The following ATP7B variants were observed in gnomAD, a reference collection of about 807,000 sequenced individuals.
ATP7B encodes copper-transporting ATPase 2.
In ATP7B, 113 loss-of-function variants were observed where a neutral mutation model predicts 118.9. The observed-to-expected ratio is 0.95, with a 90% CI of 0.82 to 1.11. The LOEUF (loss-of-function observed/expected upper bound fraction) is 1.11. ATP7B is among the 50% of genes most tolerant of loss of function. The probability of loss-of-function intolerance (pLI) is 0.00; values close to 1 mark genes in which losing one functional copy is unlikely to be tolerated. For missense variants in ATP7B, 1,867 were observed against 1,871.4 expected (o/e 1.00, Z 0.04); for synonymous variants, 777 against 727.4 (o/e 1.07, Z -1.10).
At position 51,934,246 on chromosome 13, in the gene ATP7B, C is replaced by T. The variant is rs886050304; in HGVS notation, c.*510G>A. 4 of 234,690 alleles carry T rather than the reference C, an allele frequency of 1.7e-5. No individual in the cohort carries two copies. The highest frequency in any genetic ancestry group is 6.7e-5 in the African/African-American group (3 of 45,084). The allele number at this position is 234,690 out of a possible 1,614,324, so 14.5% of individuals were successfully genotyped here. On this transcript the variant is annotated 3_prime_UTR_variant, in exon 21 of 21. Transcript: ENST00000242839. ...GGAGAGAAAAGGAACAGACTATGTA[C>T]GAAGAAAGGAACAGACTATGCAGGA...
upstream of ATP7B, chr13:52,011,942 C>G (rs932446037): frequency 1.0e-5 from 3 of 296,288 alleles, no homozygotes; most frequent in South Asian, 3.1e-5. Flanking sequence ...TGCGCTGCCC[C>G]CTCCTCGGAC....
intron 1 of ATP7B, among the ~76,000 whole-genome samples, chr13:51,981,167 C>T (rs555463908): frequency 1.1e-3 from 166 of 152,260 alleles, no homozygotes; most frequent in Non-Finnish European, 2.0e-3. Context: ...CTGAGAAATC[C>T]GAGAGGCTCT....
intron 1 of ATP7B, among the ~76,000 whole-genome samples, chr13:52,001,848 T>A (rs1555302934): frequency 6.6e-6 from 1 of 152,106 alleles, no homozygotes; most frequent in Non-Finnish European, 1.5e-5. Context: ...TGGAGTGCAG[T>A]GGCATGATCT....
intron 2 of ATP7B, 141 bp from the exon 3 acceptor site, chr13:51,970,890 C>T (rs764078388): frequency 1.3e-5 from 8 of 608,700 alleles, no homozygotes; most frequent in Non-Finnish European, 1.7e-5. Flanking sequence ...CCAGTAACTA[C>T]CTTGTCCCTC....
At chr13:51,969,918 T>A (rs938560795) in intron 3 of ATP7B, among the ~76,000 whole-genome samples, 9 of 152,124 alleles carry the variant, frequency 5.9e-5, no homozygotes, top group African/African-American at 2.2e-4. Flanking sequence ...AAAGAGAAAG[T>A]GATTCTGGTG....
At chr13:52,002,287 C>T (rs1953524878) in intron 1 of ATP7B, among the ~76,000 whole-genome samples, 2 of 151,330 alleles carry the variant, frequency 1.3e-5, no homozygotes, top group Non-Finnish European at 2.9e-5. Flanking sequence ...CAGGGCCAGG[C>T]GTGGGGGCTA....
intron 1 of ATP7B, among the ~76,000 whole-genome samples, chr13:51,977,998 C>A (rs187210474): frequency 6.6e-6 from 1 of 152,124 alleles, no homozygotes; most frequent in South Asian, 2.1e-4. Flanking sequence ...TCAGGCAGAT[C>A]AAAGATTAAC....
chr13:52,003,834 A>G (rs1052796084), intron 1 of ATP7B, among the ~76,000 whole-genome samples: 1 of 152,188 alleles, frequency 6.6e-6, no homozygotes, highest in Non-Finnish European at 1.5e-5. Flanking sequence ...AGCTTCCGAG[A>G]GAAGGTGGAT....
At chr13:51,997,168 G>A (rs1485677948) in intron 1 of ATP7B, among the ~76,000 whole-genome samples, 1 of 152,140 alleles carries the variant, frequency 6.6e-6, no homozygotes, top group South Asian at 2.1e-4. Flanking sequence ...CACATGCCCT[G>A]CTGACCACCT....
In ATP7B at chr13:51,946,021, T is replaced by C. The variant is rs185012479; in HGVS notation, c.3060+263A>G. On this transcript the variant is annotated intron_variant, in intron 13 of 20. Coordinates refer to ENST00000242839, the MANE Select transcript of ATP7B (RefSeq NM_000053.4). ...CTAATCTCCTCCTGCTGCAGTTTCC[T>C]CATCTGTAAAATGGGAATGATAAGC... 2.0e-5 allele frequency among the ~76,000 whole-genome samples: 3 copies of C among 152,322 alleles called. No individual in the cohort carries two copies. The East Asian group carries it at 5.8e-4, about 29-fold the overall frequency.
At chr13:52,009,320 C>G (rs1188379036) in intron 1 of ATP7B, among the ~76,000 whole-genome samples, 1 of 152,178 alleles carries the variant, frequency 6.6e-6, no homozygotes, top group Non-Finnish European at 1.5e-5. Flanking sequence ...GAGGGCCCTT[C>G]CTTGTCTGGA....
At position 51,970,848 on chromosome 13, in the gene ATP7B, G is replaced by A. The variant is rs760296869; in HGVS notation, c.1286-99C>T. The A allele has an allele frequency of 2.1e-4, 252 of 1,219,882 alleles. 1 individual carries two copies. The highest frequency in any genetic ancestry group is 1.0e-3 in the South Asian group (80 of 77,764). 75.6% of individuals were successfully genotyped at this position (1,219,882 alleles called of 1,614,324 possible). On this transcript the variant is annotated intron_variant, in intron 2 of 20. Coordinates refer to ENST00000242839, the MANE Select transcript of ATP7B (RefSeq NM_000053.4). ...GCTCTTGGTGAGGGTTCATTGTCCC[G>A]GCTCCCACCGAGCAGCCTCAGCCCC... is the stretch of plus-strand genomic sequence containing the variant.
intron 6 of ATP7B, among the ~76,000 whole-genome samples, chr13:51,960,633 C>T (rs961765474): frequency 6.6e-6 from 1 of 152,182 alleles, no homozygotes; most frequent in Non-Finnish European, 1.5e-5. Flanking sequence ...AATCTAGCCC[C>T]AAAGGTGCCT....
At chr13:51,941,622 A>C (rs747854921) in intron 15 of ATP7B, among the ~76,000 whole-genome samples, 1 of 152,216 alleles carries the variant, frequency 6.6e-6, no homozygotes, top group Non-Finnish European at 1.5e-5. Flanking sequence ...CCCCAGGTGA[A>C]TCAACAAATA....
At chr13:51,938,661 C>T (rs1957121416) in intron 17 of ATP7B, among the ~76,000 whole-genome samples, 1 of 152,242 alleles carries the variant, frequency 6.6e-6, no homozygotes, top group South Asian at 2.1e-4. Context: ...TGCTGGAGAA[C>T]TGCCCAGGAG....
intron 1 of ATP7B, among the ~76,000 whole-genome samples, chr13:52,002,670 A>C (rs1953566218): frequency 8.8e-6 from 1 of 113,550 alleles, no homozygotes; most frequent in Admixed American, 9.5e-5. Context: ...TATCCCTTCA[A>C]GCCAGGGATC....
At chr13:51,998,465 C>G (rs7321775) in intron 1 of ATP7B, among the ~76,000 whole-genome samples, 88,475 of 152,002 alleles carry the variant, frequency 0.58, 27,334 homozygotes, top group Non-Finnish European at 0.7. Flanking sequence ...TAAATGAGTT[C>G]AATTATATAC....
rs953317531 is a variant in ATP7B, at chr13:51,935,606, G to A, written c.4111C>T (p.Leu1371=). The A allele has an allele frequency of 3.7e-6, 6 of 1,613,570 alleles. No individual in the cohort carries two copies. The highest frequency in any genetic ancestry group is 4.2e-6 in the Non-Finnish European group (5 of 1,179,872). Residue 1371 remains leucine, a synonymous_variant, in exon 20 of 21, where the codon CTG becomes TTG. Transcript: ENST00000242839. ...ASSVSVVLSS[L]QLKCYKKPDL... Reference sequence around the variant, plus strand: ...GAGGGGACTCACCACTTGAGCTGCAGGGATGAGAGCACCACAGACACAGAG... The same window carrying A: ...GAGGGGACTCACCACTTGAGCTGCAAGGATGAGAGCACCACAGACACAGAG...
At chr13:51,997,816 G>C (rs1024462107) in intron 1 of ATP7B, among the ~76,000 whole-genome samples, 1 of 152,196 alleles carries the variant, frequency 6.6e-6, no homozygotes, top group African/African-American at 2.4e-5. Flanking sequence ...GGGGCCTGAG[G>C]ATGACAATGC....
Sources: allele counts gnomAD v4.1 joint callset (sites outside exome capture counted in the v4.1 genomes callset), GRCh38; gene constraint gnomAD v4.1.1; transcripts MANE v1.5; gene names NCBI Gene and HGNC (gene_info 2026-07-23, HGNC 2026-07-21).